RELN: variants seen among roughly 807,000 people sequenced by gnomAD.
RELN encodes the protein reelin.
A neutral mutation model predicts 427.6 loss-of-function variants in RELN; 108 were observed. The observed-to-expected ratio is 0.25, with a 90% confidence interval of 0.22 to 0.30. RELN has a LOEUF of 0.30. RELN is among the 10% of genes least tolerant of loss of function. The pLI, the probability that RELN is intolerant of heterozygous loss-of-function variation, is 1.00. For synonymous variants in RELN, 1,524 were observed against 1,513.4 expected (o/e 1.01, Z -0.16); for missense variants, 3,715 against 4,302.8 (o/e 0.86, Z 3.82).
intron 2 of RELN, among the ~76,000 whole-genome samples, chr7:103,901,006 T>A (rs749991553): frequency 6.6e-6 from 1 of 151,964 alleles, no homozygotes; most frequent in Non-Finnish European, 1.5e-5. Flanking sequence ...AGAATGCTTA[T>A]CATATGGTAT....
chr7:103,888,242 A>T (rs961887509), intron 2 of RELN, among the ~76,000 whole-genome samples: 1 of 105,790 alleles, frequency 9.5e-6, no homozygotes, highest in Non-Finnish European at 2.1e-5. Context: ...TTAAGAAAAA[A>T]AAATATATAT....
chr7:103,951,015 C>T (rs978220838), intron 1 of RELN, among the ~76,000 whole-genome samples: 6 of 152,094 alleles, frequency 3.9e-5, no homozygotes, highest in Admixed American at 1.3e-4. Context: ...CTGCAACCTC[C>T]GCCTCCCTGG....
chr7:103,626,419 C>T lies in RELN; in HGVS notation c.2702+3521G>A, dbSNP rs1281330281. 6.6e-6 allele frequency among the ~76,000 whole-genome samples: 1 copy of T among 152,200 alleles called. No homozygotes were observed. On this transcript the variant is annotated intron_variant, in intron 20 of 64. Transcript: ENST00000428762. This position sits in a 1 kb window ranked among gnomAD's most constrained non-coding sequence, Gnocchi z 4.4. ...AGGCTGGAGTGCATTGGCATGATCT[C>T]GGCTCACTGCAACTTCTGCCTCCTG...
intron 1 of RELN, among the ~76,000 whole-genome samples, chr7:103,954,812 C>T (rs1209971914): frequency 1.3e-5 from 2 of 152,162 alleles, no homozygotes; most frequent in African/African-American, 4.8e-5. Context: ...TAGATACAGA[C>T]TAAACTTCTG....
Position 103,743,942 on chromosome 7 carries a change from C to G in RELN, c.656+5484G>C, listed in dbSNP as rs1339389943. On this transcript the variant is annotated intron_variant, in intron 6 of 64. Transcript: ENST00000428762. ...TAGACATCTACAGAACTCTCCACCC[C>G]AAATCAACAGAATATACATTCTTTT... Among the ~76,000 whole-genome samples the G allele has an allele frequency of 3.3e-5, 5 of 152,268 alleles. No individual in the cohort carries two copies. The East Asian group carries it at 9.6e-4, about 29-fold the overall frequency.
intron 2 of RELN, among the ~76,000 whole-genome samples, chr7:103,904,930 G>GC (rs1250251716): frequency 6.7e-6 from 1 of 148,470 alleles, no homozygotes; most frequent in Non-Finnish European, 1.5e-5. Flanking sequence ...ACACCAACAT[G>GC]CTGTAAGATA....
intron 53 of RELN, among the ~76,000 whole-genome samples, chr7:103,499,200 A>G (rs549280215): frequency 1.3e-5 from 2 of 152,370 alleles, no homozygotes; most frequent in African/African-American, 4.8e-5. Flanking sequence ...TTGCAGGGTG[A>G]TAAGTACTCA....
rs77664442 is a variant in RELN at position 103,553,798 on chromosome 7, A to C, written c.5831T>G (p.Phe1944Cys). ...KKEEIWIVDD[F>C]IIDGNNVNNP... The stretch of plus-strand genomic sequence containing the variant: ...GTTTACATTATTTCCATCGATAATG[A>C]AGTCATCAACAATCCAGATTTCTTC... The change falls in exon 39 of 65, where the codon TTC becomes TGC. Residue 1944 changes from phenylalanine to cysteine, a missense_variant. Phe to Cys is a radical substitution (Grantham distance 205, BLOSUM62 -2). Around this residue, in one of 4 missense-constraint regions of RELN, gnomAD observed 1,310 missense variants for 1,643.0 expected, o/e 0.80. Coordinates refer to ENST00000428762, the MANE Select transcript of RELN (RefSeq NM_005045.4). The C allele has an allele frequency of 4.3e-3, 6,993 of 1,613,968 alleles. 255 individuals are homozygous for C. In the African/African-American group the frequency reaches 0.08, roughly 19 times the overall value.
chr7:103,933,253 G>A (rs1368142163), intron 1 of RELN, among the ~76,000 whole-genome samples: 1 of 152,090 alleles, frequency 6.6e-6, no homozygotes, highest in Non-Finnish European at 1.5e-5. Flanking sequence ...CATTACCTTT[G>A]TTTTTGAGAT....
rs571106510 is a variant in RELN at position 103,778,999 on chromosome 7, T to C, written c.474-2372A>G. Among the ~76,000 whole-genome samples the C allele has an allele frequency of 1.2e-4, 19 of 152,328 alleles. No homozygotes were observed. The South Asian group carries it at 3.9e-3, about 32-fold the overall frequency. On this transcript the variant is annotated intron_variant, in intron 3 of 64. Coordinates refer to ENST00000428762, the MANE Select transcript of RELN (RefSeq NM_005045.4). ...CTAAACTGGTCTAATTCTTACAGTA[T>C]ATGGATCAGGAACGTGAGGCCAGGC...
At chr7:103,705,157 TTATAA>T (rs374011986) in intron 8 of RELN, among the ~76,000 whole-genome samples, 15 of 152,312 alleles carry the variant, frequency 9.8e-5, no homozygotes, top group Non-Finnish European at 1.9e-4. Flanking sequence ...CAGTTTGCTG[TTATAA>T]TATATGTATA....
At chr7:103,689,085 A>T (rs182562471) in intron 10 of RELN, among the ~76,000 whole-genome samples, 312 of 152,132 alleles carry the variant, frequency 2.1e-3, no homozygotes, top group African/African-American at 7.1e-3. Flanking sequence ...TACTTTTTTT[A>T]AAAAATAAAA....
At chr7:103,775,586 A>G (rs552350178) in intron 4 of RELN, among the ~76,000 whole-genome samples, 2 of 152,332 alleles carry the variant, frequency 1.3e-5, no homozygotes, top group Non-Finnish European at 2.9e-5. Context: ...ATTCAGTAAT[A>G]TAATTCTAAA....
Position 103,650,346 on chromosome 7 carries a change from G to A in RELN, c.1930C>T (p.Leu644=), listed in dbSNP as rs1427222140. Residue 644 remains leucine (L), a synonymous_variant, in exon 16 of 65, where the codon CTA becomes TTA. Transcript: ENST00000428762. ...CAGCGAATCCTGGTGTTCCGGGTTA[G>A]TGCTGCGTTAGGAAGGGGAATTGTT... ...RITIPLPNAA[L]TRNTRIRWRQ... The A allele has an allele frequency of 6.2e-7, 1 of 1,613,014 alleles. No homozygotes were observed.
At position 103,566,048 on chromosome 7, in the gene RELN, G is replaced by A. The variant is rs900793822; in HGVS notation, c.4936+176C>T. On this transcript the variant is annotated intron_variant, in intron 33 of 64. Coordinates refer to ENST00000428762, the MANE Select transcript of RELN (RefSeq NM_005045.4). ...GTGAAAGACAGTTCCAACAAAAACC[G>A]TCACTAGGATCACCAAGTTGTCTTA... Among the ~76,000 whole-genome samples the A allele has an allele frequency of 4.6e-5, 7 of 152,104 alleles. No homozygotes were observed. In the South Asian group the frequency reaches 6.2e-4, roughly 14 times the overall value.
intron 20 of RELN, among the ~76,000 whole-genome samples, chr7:103,621,113 G>A (rs1447008658): frequency 6.6e-6 from 1 of 152,122 alleles, no homozygotes; most frequent in African/African-American, 2.4e-5. Flanking sequence ...TCACTTCACA[G>A]CAAACATATT....
chr7:103,598,450 G>A (rs1831589904), intron 24 of RELN, among the ~76,000 whole-genome samples: 1 of 152,186 alleles, frequency 6.6e-6, no homozygotes, highest in Non-Finnish European at 1.5e-5. Context: ...ATAGAACCTA[G>A]CAGGTTAATT....
intron 24 of RELN, among the ~76,000 whole-genome samples, chr7:103,602,581 A>G (rs1831697035): frequency 6.6e-6 from 1 of 152,176 alleles, no homozygotes. Context: ...TAACACAAGA[A>G]CAGAAAACCA....
At chr7:103,499,686 T>C (rs898659160) in intron 53 of RELN, among the ~76,000 whole-genome samples, 1 of 152,178 alleles carries the variant, frequency 6.6e-6, no homozygotes, top group Admixed American at 6.5e-5. Flanking sequence ...AATGAATACG[T>C]TTTATAATTG....
Sources: allele counts gnomAD v4.1 joint callset (sites outside exome capture counted in the v4.1 genomes callset), GRCh38; gene constraint gnomAD v4.1.1; regional missense constraint gnomAD v4.1.1; non-coding constraint Gnocchi (gnomAD v3.1); transcripts MANE v1.5; gene names NCBI Gene and HGNC (gene_info 2026-07-23, HGNC 2026-07-21).